LRRK2: variants seen among roughly 807,000 people sequenced by gnomAD.
LRRK2 encodes the protein leucine-rich repeat serine/threonine-protein kinase 2.
Under a neutral mutation model 302.6 loss-of-function variants are expected in LRRK2, and 203 were observed. That is an observed-to-expected ratio of 0.67 (90% CI 0.60 to 0.75). The LOEUF (loss-of-function observed/expected upper bound fraction) is 0.75. Among genes scored for constraint, LRRK2 ranks in the 30% least tolerant of loss-of-function variants. LRRK2 has a pLI of 0.00. For synonymous variants in LRRK2, 1,066 were observed against 1,031.9 expected (o/e 1.03, Z -0.63); for missense variants, 2,830 against 2,951.0 (o/e 0.96, Z 0.95).
chr12:40,240,398 A>G, intron 5 of LRRK2, 85 bp from the exon 6 acceptor site: 2 of 1,257,518 alleles, frequency 1.6e-6, no homozygotes, highest in South Asian at 2.5e-5. Context: ...ATCTCACACA[A>G]CTATAATGAA....
intron 31 of LRRK2, 52 bp from the exon 32 acceptor site, chr12:40,313,920 C>A: frequency 6.6e-7 from 1 of 1,526,190 alleles, no homozygotes; most frequent in South Asian, 1.1e-5. Context: ...AACCATTTGA[C>A]AAATACACAA....
chr12:40,295,756 G>A, intron 23 of LRRK2, 112 bp downstream of exon 23: 1 of 1,016,012 alleles, frequency 9.8e-7, no homozygotes, highest in Non-Finnish European at 1.5e-6. Context: ...GTGTCACTGG[G>A]TGATAAGTCC....
chr12:40,280,660 A>AATAAT (rs1292111529), intron 18 of LRRK2, among the ~76,000 whole-genome samples: 19 of 150,500 alleles, frequency 1.3e-4, no homozygotes, highest in African/African-American at 2.7e-4. Flanking sequence ...AATAAAATAA[A>AATAAT]ATAATATAAT....
At chr12:40,267,681 T>C (rs1943077020) in intron 14 of LRRK2, among the ~76,000 whole-genome samples, 1 of 152,054 alleles carries the variant, frequency 6.6e-6, no homozygotes, top group South Asian at 2.1e-4. Context: ...TGATTATCGA[T>C]AGGGGTGGGG....
chr12:40,367,407 G>A, intron 50 of LRRK2: 2 of 404,864 alleles, frequency 4.9e-6, no homozygotes, highest in Non-Finnish European at 4.3e-6. Flanking sequence ...TTTAGAATAT[G>A]AAATGTTAAT....
At position 40,367,911 on chromosome 12, in the gene LRRK2, T is replaced by TTTAA; in HGVS notation, c.*146_*147insTTAA. The TTTAA allele has an allele frequency of 1.6e-6, 1 of 621,882 alleles. No individual in the cohort carries two copies. 38.5% of individuals were successfully genotyped at this position (621,882 alleles called of 1,614,324 possible). ...GGAATGTTATTATTTTTAATTTAAA[T>TTTAA]ATATGTAAAAATACTTACCAGTAAA... On this transcript the variant is annotated 3_prime_UTR_variant, in exon 51 of 51. Coordinates refer to ENST00000298910, the MANE Select transcript of LRRK2 (RefSeq NM_198578.4).
At chr12:40,357,203 G>T (rs537739140) in intron 46 of LRRK2, among the ~76,000 whole-genome samples, 1 of 152,172 alleles carries the variant, frequency 6.6e-6, no homozygotes, top group East Asian at 1.9e-4. Context: ...GTCTTTCTGT[G>T]CTTGGCTTAT....
Position 40,321,207 on chromosome 12 carries a change from CTT to C in LRRK2, c.5170+20_5170+21del. 1.2e-6 allele frequency: 2 copies of C among 1,601,550 alleles called. No individual in the cohort carries two copies. The highest frequency in any genetic ancestry group is 3.3e-5 in the Admixed American group (2 of 59,762). On this transcript the variant is annotated intron_variant, in intron 35 of 50. Coordinates refer to ENST00000298910, the MANE Select transcript of LRRK2 (RefSeq NM_198578.4). ...GGGAGAGGTAAGTATCTAATGAAGACTTATTAGATTTTTAGAGACTATTAATT... is the reference window on the plus strand; with the variant it reads ...GGGAGAGGTAAGTATCTAATGAAGACATTAGATTTTTAGAGACTATTAATT...
At chr12:40,349,617 G>T (rs1439615995) in intron 43 of LRRK2, among the ~76,000 whole-genome samples, 1 of 152,142 alleles carries the variant, frequency 6.6e-6, no homozygotes, top group East Asian at 1.9e-4. Flanking sequence ...GACCTCCTGG[G>T]CTCAAGTGAT....
At chr12:40,250,246 C>T (rs1039691107) in intron 8 of LRRK2, among the ~76,000 whole-genome samples, 3 of 152,128 alleles carry the variant, frequency 2.0e-5, no homozygotes, top group African/African-American at 7.2e-5. Context: ...AATCTCAGAA[C>T]TTTGGGAGGC....
At chr12:40,255,157 G>T (rs1942445486) in intron 11 of LRRK2, among the ~76,000 whole-genome samples, 1 of 152,068 alleles carries the variant, frequency 6.6e-6, no homozygotes, top group Non-Finnish European at 1.5e-5. Flanking sequence ...AAAAATCCCA[G>T]GCTCATGGAG....
At position 40,274,726 on chromosome 12, in the gene LRRK2, A is replaced by G. The variant is rs997499188; in HGVS notation, c.1800A>G (p.Gln600=). ...CACTGCAGATGTATCCAGATGACCA[A>G]GGTCAGTACAATTTGAATTCAGGAT... ...LHTLQMYPDD[Q]EIQCLGLSLI... is the part of the protein sequence containing the mutation. The change falls in exon 15 of 51, where the codon CAA becomes CAG. Residue 600 remains glutamine, a splice_region_variant and synonymous_variant. Coordinates refer to ENST00000298910, the MANE Select transcript of LRRK2 (RefSeq NM_198578.4). The G allele has an allele frequency of 1.2e-6, 2 of 1,614,028 alleles. No homozygotes were observed. Among genetic ancestry groups the G allele is most frequent in the Non-Finnish European group, 1.7e-6 (2 of 1,179,942 alleles).
intron 40 of LRRK2, among the ~76,000 whole-genome samples, chr12:40,336,940 A>G (rs568394086): frequency 6.6e-6 from 1 of 152,328 alleles, no homozygotes; most frequent in Non-Finnish European, 1.5e-5. Context: ...CACTGTTCGA[A>G]ACACCTTATC....
chr12:40,323,103 A>C, intron 37 of LRRK2, 57 bp from the exon 38 acceptor site: 2 of 1,494,158 alleles, frequency 1.3e-6, no homozygotes, highest in Non-Finnish European at 9.3e-7. Context: ...AAAACCACAA[A>C]TTTATGTATC....
At chr12:40,244,490 AT>A (rs988426486) in intron 7 of LRRK2, among the ~76,000 whole-genome samples, 5 of 152,110 alleles carry the variant, frequency 3.3e-5, no homozygotes, top group Non-Finnish European at 7.3e-5. Flanking sequence ...AACAGTTAAC[AT>A]TTGGTGCAGA....
At chr12:40,280,913 A>G (rs1361357033) in intron 18 of LRRK2, among the ~76,000 whole-genome samples, 2 of 151,716 alleles carry the variant, frequency 1.3e-5, no homozygotes, top group East Asian at 3.9e-4. Context: ...AAAAAAATAC[A>G]AAAAATTAGC....
intron 47 of LRRK2, among the ~76,000 whole-genome samples, chr12:40,363,053 G>A (rs748060239): frequency 2.0e-5 from 3 of 151,934 alleles, no homozygotes; most frequent in Non-Finnish European, 2.9e-5. Flanking sequence ...ACATTCAAAA[G>A]TTACAGATAT....
At chr12:40,291,294 G>GA (rs1944143199) in intron 20 of LRRK2, among the ~76,000 whole-genome samples, 1 of 151,822 alleles carries the variant, frequency 6.6e-6, no homozygotes, top group Non-Finnish European at 1.5e-5. Context: ...TGGGGGGAAG[G>GA]GGGAGGGATA....
At chr12:40,278,357 C>T (rs1943549399) in intron 18 of LRRK2, 96 bp downstream of exon 18, 2 of 1,438,382 alleles carry the variant, frequency 1.4e-6, no homozygotes, top group Admixed American at 3.4e-5. Context: ...TCATATTATT[C>T]TTCACTACAG....
Sources: gnomAD v4.1 joint callset for allele counts (sites outside exome capture counted in the v4.1 genomes callset) on GRCh38, gnomAD v4.1.1 for gene constraint, MANE v1.5 for transcripts, NCBI Gene and HGNC (gene_info 2026-07-23, HGNC 2026-07-21) for gene names.